Variants in NCAPG observed in about 807,000 individuals in gnomAD.
NCAPG encodes the protein condensin complex subunit 3.
Under a neutral mutation model 113.1 loss-of-function variants are expected in NCAPG, and 69 were observed. The ratio of observed to expected loss-of-function variants is 0.61; its 90% CI spans 0.50 to 0.75. NCAPG has a LOEUF of 0.75. NCAPG is among the 30% of genes least tolerant of loss of function. The pLI, the probability that NCAPG is intolerant of heterozygous loss-of-function variation, is 0.00. For missense variants in NCAPG, 1,058 were observed against 1,177.0 expected (o/e 0.90, Z 1.48); for synonymous variants, 370 against 415.8 (o/e 0.89, Z 1.34).
intron 12 of NCAPG, among the ~76,000 whole-genome samples, chr4:17,829,021 C>T (rs916693297): frequency 1.3e-5 from 2 of 150,580 alleles, no homozygotes; most frequent in Non-Finnish European, 3.0e-5. Flanking sequence ...CCAATATATC[C>T]AAAATATTAA....
rs538018416 is a variant in NCAPG, at chr4:17,815,875, A to G, written c.775+517A>G. Among the ~76,000 whole-genome samples, 3 of 152,044 alleles carry G rather than the reference A, an allele frequency of 2.0e-5. No homozygotes were observed. In the South Asian group the frequency reaches 6.2e-4, roughly 32 times the overall value. On this transcript the variant is annotated intron_variant, in intron 5 of 20. Transcript: ENST00000251496. ...AGCTTATTTCTTTCACCCTTTCTGTATTTTACAGATGGAGAAACAATACTT... is the reference window on the plus strand; with the variant it reads ...AGCTTATTTCTTTCACCCTTTCTGTGTTTTACAGATGGAGAAACAATACTT...
rs761115956 is a variant in NCAPG at position 17,834,510 on chromosome 4, T to C, written c.2096T>C (p.Phe699Ser). The change falls in exon 14 of 21, where the codon TTC (phenylalanine) becomes TCC (serine). Residue 699 changes from phenylalanine (F) to serine (S), a missense_variant. Transcript: ENST00000251496. ...AKNVLKLLSD[F>S]LDSEVSELRT... ...AATGTTCTGAAACTCCTTTCTGATT[T>C]CTTAGATAGTGAGGTAAGAAATAAT... 1.9e-6 allele frequency: 3 copies of C among 1,586,650 alleles called. No homozygotes were observed. The highest frequency in any genetic ancestry group is 2.6e-6 in the Non-Finnish European group (3 of 1,167,080).
chr4:17,839,851 T>G lies in NCAPG; in HGVS notation c.2628+14T>G, dbSNP rs747262423. 4.5e-6 allele frequency: 7 copies of G among 1,572,852 alleles called. No homozygotes were observed. The highest frequency in any genetic ancestry group is 6.0e-6 in the Non-Finnish European group (7 of 1,168,854). ...GAGATTCTGGAGGTAAAGTAGTTTC[T>G]CATTACTCTAAATTAGTTTGTGTTT... On this transcript the variant is annotated intron_variant, in intron 17 of 20. Coordinates refer to ENST00000251496, the MANE Select transcript of NCAPG (RefSeq NM_022346.5).
In NCAPG at chr4:17,811,753, T is replaced by C. The variant is rs1251318273; in HGVS notation, c.112-468T>C. ...CTTGAGAAGAATAGAACAATTAATT[T>C]GGGGAAGATGAATTATCTTGAGGTC... On this transcript the variant is annotated intron_variant, in intron 1 of 20. Transcript: ENST00000251496. This position sits in a 1 kb window ranked among gnomAD's most constrained non-coding sequence, Gnocchi z 5.3. Among the ~76,000 whole-genome samples, 1 of 152,248 alleles carries C rather than the reference T, an allele frequency of 6.6e-6. No homozygotes were observed. The highest frequency in any genetic ancestry group is 1.5e-5 in the Non-Finnish European group (1 of 68,046).
intron 7 of NCAPG, among the ~76,000 whole-genome samples, chr4:17,822,284 C>G (rs556618659): frequency 1.0e-3 from 150 of 150,046 alleles, no homozygotes; most frequent in Non-Finnish European, 1.7e-3. Context: ...ACCCCTGCCT[C>G]CTGGATTCAA....
chr4:17,825,484 A>G lies in NCAPG; in HGVS notation c.1576A>G (p.Lys526Glu). 6.2e-7 allele frequency: 1 copy of G among 1,610,292 alleles called. No homozygotes were observed. The highest frequency in any genetic ancestry group is 8.5e-7 in the Non-Finnish European group (1 of 1,178,654). ...NRASELKEEIKALEDARINLL... is the reference protein window; with the variant it reads ...NRASELKEEIEALEDARINLL... ...GGCATCAGAATTAAAAGAAGAAATAAAAGCATTAGAAGATGCCAGAATAAA... is the reference window on the plus strand; with the variant it reads ...GGCATCAGAATTAAAAGAAGAAATAGAAGCATTAGAAGATGCCAGAATAAA... The change falls in exon 11 of 21, where the codon AAA becomes GAA. Residue 526 changes from lysine to glutamate, a missense_variant. Coordinates refer to ENST00000251496, the MANE Select transcript of NCAPG (RefSeq NM_022346.5).
Position 17,825,405 on chromosome 4 carries a change from T to C in NCAPG, c.1497T>C (p.Leu499=), listed in dbSNP as rs1375300117. Residue 499 remains leucine, a synonymous_variant, in exon 11 of 21, where the codon CTT becomes CTC. Transcript: ENST00000251496. ...ELKMAEIKVK[L]IEAKEALENC... is the part of the protein sequence containing the mutation. ...AGATGGCTGAAATAAAAGTTAAGCT[T>C]ATCGAAGCCAAAGAAGCTTTGGAAA... is the stretch of plus-strand genomic sequence containing the variant. The C allele has an allele frequency of 1.3e-6, 2 of 1,589,598 alleles. No homozygotes were observed. The highest frequency in any genetic ancestry group is 1.7e-6 in the Non-Finnish European group (2 of 1,174,064).
rs199622726 is a variant in NCAPG, at chr4:17,839,663, C to G, written c.2467-13C>G. ...ATCTTCAATTTACAGAGAATTTTCT[C>G]TTAATTTTTTAGGCCTTAACAGTAC... On this transcript the variant is annotated splice_polypyrimidine_tract_variant and intron_variant, in intron 16 of 20. Coordinates refer to ENST00000251496, the MANE Select transcript of NCAPG (RefSeq NM_022346.5). 3 of 1,471,684 alleles carry G rather than the reference C, an allele frequency of 2.0e-6. No individual in the cohort carries two copies. Among genetic ancestry groups the G allele is most frequent in the Non-Finnish European group, 2.7e-6 (3 of 1,111,920 alleles). The allele number at this position is 1,471,684 out of a possible 1,614,324, so 91.2% of individuals were successfully genotyped here.
chr4:17,828,949 A>G (rs1320879566), intron 12 of NCAPG, among the ~76,000 whole-genome samples: 2 of 147,084 alleles, frequency 1.4e-5, no homozygotes, highest in Admixed American at 1.3e-4. Flanking sequence ...CACTGTTTTA[A>G]AAAAAAAAAA....
chr4:17,814,406 A>G (rs1177620767), intron 3 of NCAPG, among the ~76,000 whole-genome samples: 1 of 152,212 alleles, frequency 6.6e-6, no homozygotes, highest in Non-Finnish European at 1.5e-5. Context: ...TCTCCAAAAA[A>G]AAGAAAAAGA....
rs777294136 is a variant in NCAPG at position 17,813,034 on chromosome 4, A to G, written c.433A>G (p.Lys145Glu). 1.9e-6 allele frequency: 3 copies of G among 1,614,112 alleles called. No homozygotes were observed. Among genetic ancestry groups the G allele is most frequent in the Non-Finnish European group, 2.5e-6 (3 of 1,179,962 alleles). ...IDDDVFDKIN[K>E]AMLIRLKDKI... ...TGATGATGTGTTTGATAAAATTAAT[A>G]AAGCCATGCTTATTAGATTGAAAGA... The change falls in exon 3 of 21, where the codon AAA becomes GAA. Residue 145 changes from lysine (K) to glutamate (E), a missense_variant. Transcript: ENST00000251496.
intron 11 of NCAPG, among the ~76,000 whole-genome samples, chr4:17,826,516 AT>A (rs914637171): frequency 2.4e-4 from 36 of 152,340 alleles, no homozygotes; most frequent in Admixed American, 1.8e-3. Flanking sequence ...AGGCTATTAA[AT>A]TTGGAAAGCA....
In NCAPG at chr4:17,825,510, C is replaced by T. The variant is rs766406399; in HGVS notation, c.1602C>T (p.Asn534=). 3.1e-6 allele frequency: 5 copies of T among 1,605,020 alleles called. No individual in the cohort carries two copies. In the South Asian group the frequency reaches 4.5e-5, roughly 14 times the overall value. ...AAGCATTAGAAGATGCCAGAATAAACCTTTTGAAAGAGACAGAGCAACTTG... is the reference window on the plus strand; with the variant it reads ...AAGCATTAGAAGATGCCAGAATAAATCTTTTGAAAGAGACAGAGCAACTTG... ...EIKALEDARI[N]LLKETEQLEI... The change falls in exon 11 of 21, where the codon AAC becomes AAT. Residue 534 remains asparagine (N), a synonymous_variant. Transcript: ENST00000251496.
chr4:17,820,005 C>T (rs1421691951), intron 7 of NCAPG, among the ~76,000 whole-genome samples: 1 of 152,068 alleles, frequency 6.6e-6, no homozygotes, highest in Non-Finnish European at 1.5e-5. Flanking sequence ...CATTATAATG[C>T]TGTTTGGGCC....
chr4:17,828,142 C>A, intron 11 of NCAPG, 136 bp from the exon 12 acceptor site: 1 of 458,164 alleles, frequency 2.2e-6, no homozygotes, highest in Non-Finnish European at 3.8e-6. Flanking sequence ...CATTTACTAT[C>A]TGTGTGATAG....
intron 16 of NCAPG, among the ~76,000 whole-genome samples, chr4:17,839,363 C>T (rs548480758): frequency 6.6e-6 from 1 of 152,226 alleles, no homozygotes; most frequent in East Asian, 1.9e-4. Flanking sequence ...CAAGGTCCAC[C>T]AAAGTCCACC....
intron 14 of NCAPG, among the ~76,000 whole-genome samples, chr4:17,835,489 G>A (rs1283747613): frequency 6.6e-6 from 1 of 152,110 alleles, no homozygotes; most frequent in East Asian, 1.9e-4. Flanking sequence ...CTCGTGCCTG[G>A]CCCAAACTAA....
chr4:17,811,162 G>A lies in NCAPG; in HGVS notation c.85G>A (p.Val29Met). The change falls in exon 1 of 21, where the codon GTG becomes ATG. Residue 29 changes from valine to methionine, a missense_variant. Coordinates refer to ENST00000251496, the MANE Select transcript of NCAPG (RefSeq NM_022346.5). This position sits in a 1 kb window ranked among gnomAD's most constrained non-coding sequence, Gnocchi z 5.3. ...GCACCAGAACCAGGCGAAGCTGGTGGTGGCGCTGAGCCGCACCTACCGCAC... is the reference window on the plus strand; with the variant it reads ...GCACCAGAACCAGGCGAAGCTGGTGATGGCGCTGAGCCGCACCTACCGCAC... ...QPHQNQAKLVVALSRTYRTMD... is the reference protein window; with the variant it reads ...QPHQNQAKLVMALSRTYRTMD... 6.6e-7 allele frequency: 1 copy of A among 1,511,614 alleles called. No individual in the cohort carries two copies. Among genetic ancestry groups the A allele is most frequent in the Non-Finnish European group, 8.9e-7 (1 of 1,128,656 alleles). The allele number at this position is 1,511,614 out of a possible 1,614,324, so 93.6% of individuals were successfully genotyped here. A position where few individuals can be genotyped will look rare whatever the true frequency, so the allele number is the denominator to read the frequency against.
chr4:17,813,263 C>A, intron 3 of NCAPG, 118 bp downstream of exon 3: 2 of 804,692 alleles, frequency 2.5e-6, no homozygotes, highest in Non-Finnish European at 3.7e-6. Flanking sequence ...ATATATGATT[C>A]CGATTAAACA....
Sources: gnomAD v4.1 joint callset for allele counts (sites outside exome capture counted in the v4.1 genomes callset) on GRCh38, gnomAD v4.1.1 for gene constraint, Gnocchi (gnomAD v3.1) non-coding constraint, MANE v1.5 for transcripts, NCBI Gene and HGNC (gene_info 2026-07-23, HGNC 2026-07-21) for gene names.